Variants in FAM227B observed in about 807,000 individuals in gnomAD.
FAM227B encodes protein FAM227B.
A neutral mutation model predicts 73.8 loss-of-function variants in FAM227B; 88 were observed. The observed-to-expected ratio is 1.19, with a 90% CI of 1.00 to 1.42. FAM227B has a LOEUF of 1.42. Among genes scored for constraint, FAM227B ranks in the 40% most tolerant of loss-of-function variants. FAM227B has a pLI of 0.00. For missense variants in FAM227B, 632 were observed against 590.9 expected, an observed-to-expected ratio of 1.07 and a Z score of -0.72; for synonymous variants, 210 against 190.5, an observed-to-expected ratio of 1.10 and a Z score of -0.84.
chr15:49,403,487 T>G (rs2048312184), intron 11 of FAM227B, among the ~76,000 whole-genome samples: 1 of 152,200 alleles, frequency 6.6e-6, no homozygotes, highest in Non-Finnish European at 1.5e-5. Flanking sequence ...TGGTTCAGTC[T>G]TGGGAGTGTG....
chr15:49,406,875 G>A (rs1019596361), intron 11 of FAM227B, among the ~76,000 whole-genome samples: 8 of 152,178 alleles, frequency 5.3e-5, no homozygotes, highest in African/African-American at 1.9e-4. Flanking sequence ...CCCCACTGGC[G>A]CTCTCCACCA....
intron 3 of FAM227B, among the ~76,000 whole-genome samples, chr15:49,603,818 A>G (rs918418343): frequency 1.3e-5 from 2 of 152,186 alleles, no homozygotes; most frequent in South Asian, 2.1e-4. Flanking sequence ...ATTATGTTAA[A>G]GTATATTCCT....
intron 5 of FAM227B, among the ~76,000 whole-genome samples, chr15:49,582,288 A>C (rs867260128): frequency 6.6e-6 from 1 of 152,214 alleles, no homozygotes; most frequent in African/African-American, 2.4e-5. Flanking sequence ...ATGGAAAAAA[A>C]TTTACCAAGA....
intron 10 of FAM227B, among the ~76,000 whole-genome samples, chr15:49,522,312 T>G (rs576881139): frequency 6.6e-6 from 1 of 152,176 alleles, no homozygotes; most frequent in Admixed American, 6.5e-5. Context: ...ATCTAAATGA[T>G]AGCAAATTTA....
chr15:49,496,606 TGGAA>T (rs2057632664), intron 11 of FAM227B, among the ~76,000 whole-genome samples: 1 of 152,190 alleles, frequency 6.6e-6, no homozygotes, highest in African/African-American at 2.4e-5. Flanking sequence ...ACATTTTGTT[TGGAA>T]GGCAAATTTT....
At chr15:49,402,374 T>C (rs1401489696) in intron 11 of FAM227B, among the ~76,000 whole-genome samples, 2 of 152,222 alleles carry the variant, frequency 1.3e-5, no homozygotes, top group East Asian at 1.9e-4. Context: ...TTGGGCCACA[T>C]GGCCATTTTC....
chr15:49,598,609 A>G (rs981167677), intron 3 of FAM227B, among the ~76,000 whole-genome samples: 2 of 152,004 alleles, frequency 1.3e-5, no homozygotes, highest in South Asian at 2.1e-4. Flanking sequence ...TTATAATCTC[A>G]AAGTACATTC....
intron 10 of FAM227B, among the ~76,000 whole-genome samples, chr15:49,516,487 G>C (rs1013892333): frequency 5.3e-5 from 8 of 151,898 alleles, no homozygotes; most frequent in African/African-American, 1.9e-4. Context: ...CTTCTGATGG[G>C]TTCAGGAAAG....
chr15:49,498,397 A>T (rs2057814008), intron 11 of FAM227B, among the ~76,000 whole-genome samples: 1 of 152,176 alleles, frequency 6.6e-6, no homozygotes, highest in African/African-American at 2.4e-5. Context: ...CAGTTAATAG[A>T]GCCTTAGCTC....
intron 10 of FAM227B, among the ~76,000 whole-genome samples, chr15:49,522,936 C>G (rs749096861): frequency 6.6e-6 from 1 of 152,142 alleles, no homozygotes; most frequent in African/African-American, 2.4e-5. Flanking sequence ...AATTCAAGGA[C>G]ACCTGGGAGA....
chr15:49,448,535 T>G (rs1185362234), intron 11 of FAM227B, among the ~76,000 whole-genome samples: 1 of 151,692 alleles, frequency 6.6e-6, no homozygotes, highest in Non-Finnish European at 1.5e-5. Context: ...TTAATCAAAA[T>G]TCACAGAAAA....
Position 49,385,888 on chromosome 15 carries a change from A to G in FAM227B, c.1013-14489T>C, listed in dbSNP as rs12916939. Among the ~76,000 whole-genome samples, 268 of 151,958 alleles carry G rather than the reference A, an allele frequency of 1.8e-3. 1 individual carries two copies. Among genetic ancestry groups the G allele is most frequent in the Non-Finnish European group, 3.3e-3 (224 of 67,780 alleles). On this transcript the variant is annotated intron_variant, in intron 11 of 15. Coordinates refer to ENST00000299338, the MANE Select transcript of FAM227B (RefSeq NM_152647.3). ...ACAAAACAGACTTCAAAGCAACAAC[A>G]CTAAAAAAAGAAAGACAGTCCCTAT...
intron 11 of FAM227B, among the ~76,000 whole-genome samples, chr15:49,494,261 A>G (rs1041753782): frequency 7.3e-6 from 1 of 136,994 alleles, no homozygotes; most frequent in Non-Finnish European, 1.6e-5. Context: ...ACACAAACAC[A>G]CACACACACA....
At chr15:49,593,230 C>T (rs928699988) in intron 3 of FAM227B, among the ~76,000 whole-genome samples, 3 of 152,148 alleles carry the variant, frequency 2.0e-5, no homozygotes, top group Non-Finnish European at 4.4e-5. Context: ...AAGCAGGTAC[C>T]TCAGTCGGAA....
At chr15:49,556,780 C>T (rs1042480238) in intron 9 of FAM227B, among the ~76,000 whole-genome samples, 2 of 152,172 alleles carry the variant, frequency 1.3e-5, no homozygotes, top group Admixed American at 1.3e-4. Context: ...CATGGCAAGC[C>T]TTCAGGTATG....
chr15:49,463,686 G>C (rs2054007452), intron 11 of FAM227B, among the ~76,000 whole-genome samples: 1 of 152,044 alleles, frequency 6.6e-6, no homozygotes, highest in Admixed American at 6.6e-5. Context: ...ACCCCCAAAT[G>C]CCACAGTGTT....
intron 11 of FAM227B, among the ~76,000 whole-genome samples, chr15:49,416,014 A>G (rs1420806590): frequency 6.6e-6 from 1 of 152,036 alleles, no homozygotes; most frequent in East Asian, 1.9e-4. Context: ...TCCTATTACC[A>G]TGACCTACAA....
chr15:49,408,306 T>C (rs574475248), intron 11 of FAM227B, among the ~76,000 whole-genome samples: 1 of 152,370 alleles, frequency 6.6e-6, no homozygotes, highest in East Asian at 1.9e-4. Context: ...GATGCCAATC[T>C]GATTCTAGTT....
At chr15:49,520,369 A>G (rs1430201382) in intron 10 of FAM227B, among the ~76,000 whole-genome samples, 2 of 152,118 alleles carry the variant, frequency 1.3e-5, no homozygotes, top group Non-Finnish European at 2.9e-5. Context: ...TGAGCCCTCC[A>G]AACTGTTTCA....
Sources: gnomAD v4.1 joint callset for allele counts (sites outside exome capture counted in the v4.1 genomes callset) on GRCh38, gnomAD v4.1.1 for gene constraint, MANE v1.5 for transcripts, NCBI Gene and HGNC (gene_info 2026-07-23, HGNC 2026-07-21) for gene names.